The following PCDHA7 variants were observed in gnomAD, a reference collection of about 807,000 sequenced individuals.
PCDHA7 encodes protocadherin alpha 7.
In PCDHA7, 37 loss-of-function variants were observed where a neutral mutation model predicts 57.2. The observed-to-expected ratio is 0.65, with a 90% CI of 0.50 to 0.85. The LOEUF is 0.85. Among genes scored for constraint, PCDHA7 ranks in the 40% least tolerant of loss-of-function variants. PCDHA7 has a pLI of 0.00. For missense variants in PCDHA7, 1,188 were observed against 1,241.8 expected, an observed-to-expected ratio of 0.96 and a Z score of 0.65; for synonymous variants, 553 against 558.8, an observed-to-expected ratio of 0.99 and a Z score of 0.15.
intron 1 of PCDHA7, chr5:140,841,763 C>G: frequency 6.2e-7 from 1 of 1,613,884 alleles, no homozygotes; most frequent in South Asian, 1.1e-5. Context: ...ATCCAGAATG[C>G]CAGACTCTCG....
chr5:141,000,421 A>ATTTTTTTTTTTTT (rs34755515), intron 3 of PCDHA7, among the ~76,000 whole-genome samples: 1 of 27,968 alleles, frequency 3.6e-5, no homozygotes, highest in African/African-American at 1.8e-4. Flanking sequence ...ATATATATAT[A>ATTTTTTTTTTTTT]TTTTTTTTTT....
chr5:140,869,553 G>A (rs1554163226), intron 1 of PCDHA7: 1 of 1,614,056 alleles, frequency 6.2e-7, no homozygotes, highest in African/African-American at 1.3e-5. Flanking sequence ...AATCGGACTC[G>A]CGTTTTCCAC....
chr5:140,928,904 G>T, intron 1 of PCDHA7: 1 of 1,614,180 alleles, frequency 6.2e-7, no homozygotes, highest in Non-Finnish European at 8.5e-7. Flanking sequence ...GAAGATGTCT[G>T]GGAACCAGGA....
chr5:140,986,247 G>A (rs758689038), intron 3 of PCDHA7, among the ~76,000 whole-genome samples: 1 of 152,012 alleles, frequency 6.6e-6, no homozygotes, highest in Non-Finnish European at 1.5e-5. Context: ...GAGCAGACCC[G>A]GACCACAGGC....
intron 1 of PCDHA7, among the ~76,000 whole-genome samples, chr5:140,920,771 G>A (rs1256445366): frequency 6.6e-6 from 1 of 151,698 alleles, no homozygotes; most frequent in African/African-American, 2.4e-5. Context: ...TTACACCTGG[G>A]AGGTGGAGGT....
At chr5:140,863,655 G>T in intron 1 of PCDHA7, 1 of 295,936 alleles carries the variant, frequency 3.4e-6, no homozygotes, top group Non-Finnish European at 6.6e-6. Context: ...TAATTTGATT[G>T]CTTTATTTAT....
intron 1 of PCDHA7, chr5:140,842,155 A>G (rs1554138828): frequency 1.2e-6 from 2 of 1,613,884 alleles, no homozygotes; most frequent in East Asian, 2.2e-5. Context: ...GGGCAATTTC[A>G]TATTCTTTTA....
chr5:140,875,438 T>A, intron 1 of PCDHA7: 1 of 1,568,134 alleles, frequency 6.4e-7, no homozygotes, highest in Non-Finnish European at 8.6e-7. Flanking sequence ...CCCTTAAAAC[T>A]GATTGTCCCA....
chr5:140,922,275 C>T (rs782815629), intron 1 of PCDHA7, among the ~76,000 whole-genome samples: 1 of 152,052 alleles, frequency 6.6e-6, no homozygotes, highest in Non-Finnish European at 1.5e-5. Context: ...AAGATTGGAC[C>T]AAGATATGAA....
intron 1 of PCDHA7, among the ~76,000 whole-genome samples, chr5:140,840,207 TA>T (rs1477576699): frequency 3.9e-5 from 6 of 151,970 alleles, no homozygotes; most frequent in African/African-American, 1.2e-4. Flanking sequence ...AAAGAAGTCA[TA>T]AAAATACATA....
intron 1 of PCDHA7, among the ~76,000 whole-genome samples, chr5:140,957,274 C>A (rs1251520860): frequency 6.6e-6 from 1 of 152,104 alleles, no homozygotes; most frequent in South Asian, 2.1e-4. Context: ...ACTAGTCCCC[C>A]CTTACCTGCA....
In PCDHA7 at chr5:140,927,579, C is replaced by T. The variant is rs369243383; in HGVS notation, c.2356-51370C>T. The T allele has an allele frequency of 3.2e-4, 517 of 1,614,178 alleles. 2 individuals are homozygous for T. Among genetic ancestry groups the T allele is most frequent in the Non-Finnish European group, 4.1e-4 (483 of 1,180,030 alleles). On this transcript the variant is annotated intron_variant, in intron 1 of 3. Coordinates refer to ENST00000525929, the MANE Select transcript of PCDHA7 (RefSeq NM_018910.3). ...TCATTGTGGTGGACACAAATGACAA[C>T]GCGCCTGTATTTGAGCGCTCCGTAT...
intron 1 of PCDHA7, among the ~76,000 whole-genome samples, chr5:140,936,138 C>G (rs1396548448): frequency 6.6e-6 from 1 of 152,074 alleles, no homozygotes; most frequent in African/African-American, 2.4e-5. Context: ...AGTGATCTGC[C>G]CGCCTTGGCC....
At chr5:140,869,733 G>A (rs2051364392) in intron 1 of PCDHA7, 1 of 1,613,178 alleles carries the variant, frequency 6.2e-7, no homozygotes, top group Non-Finnish European at 8.5e-7. Context: ...AACTTAATTT[G>A]CTGCTAACAG....
intron 1 of PCDHA7, among the ~76,000 whole-genome samples, chr5:140,885,265 T>C (rs2060534945): frequency 6.6e-6 from 1 of 152,186 alleles, no homozygotes; most frequent in African/African-American, 2.4e-5. Flanking sequence ...TAATTACTCA[T>C]ACATATATAT....
At chr5:140,876,173 A>T (rs369965805) in intron 1 of PCDHA7, 66 of 1,613,862 alleles carry the variant, frequency 4.1e-5, no homozygotes, top group Middle Eastern at 1.6e-4. Context: ...ACCGTCCTGG[A>T]TGTGAATGAC....
At chr5:140,989,598 T>C (rs369591964) in intron 3 of PCDHA7, among the ~76,000 whole-genome samples, 431 of 152,260 alleles carry the variant, frequency 2.8e-3, no homozygotes, top group Middle Eastern at 6.8e-3. Flanking sequence ...CTGACACAAG[T>C]AAACTAAAAA....
Position 140,851,965 on chromosome 5 carries a change from A to G in PCDHA7, c.2355+15227A>G, listed in dbSNP as rs564952826. On this transcript the variant is annotated intron_variant, in intron 1 of 3. Transcript: ENST00000525929. Reference sequence around the variant, plus strand: ...GTGACTTTCAAAATGGTGGTTTTCCACACTCTACCTTTAGTGCAAGCTATT... The same window carrying G: ...GTGACTTTCAAAATGGTGGTTTTCCGCACTCTACCTTTAGTGCAAGCTATT... 95 of 976,702 alleles carry G rather than the reference A, an allele frequency of 9.7e-5. 6 individuals are homozygous for G. The highest frequency in any genetic ancestry group is 1.2e-4 in the Non-Finnish European group (95 of 809,234). 60.5% of individuals were successfully genotyped at this position (976,702 alleles called of 1,614,324 possible).
At chr5:140,841,928 G>C in intron 1 of PCDHA7, 1 of 1,613,910 alleles carries the variant, frequency 6.2e-7, no homozygotes, top group Non-Finnish European at 8.5e-7. Context: ...CTTGGACAGA[G>C]AGGACGCTCC....
Sources: gnomAD v4.1 joint callset for allele counts (sites outside exome capture counted in the v4.1 genomes callset) on GRCh38, gnomAD v4.1.1 for gene constraint, MANE v1.5 for transcripts, NCBI Gene and HGNC (gene_info 2026-07-23, HGNC 2026-07-21) for gene names.